OR2L13: variants seen among roughly 807,000 people sequenced by gnomAD.
OR2L13 encodes the protein olfactory receptor 2L13.
Under a neutral mutation model 15.3 loss-of-function variants are expected in OR2L13, and 14 were observed. The observed-to-expected ratio is 0.91, with a 90% confidence interval of 0.60 to 1.43. The LOEUF (loss-of-function observed/expected upper bound fraction) is 1.43. Ranked by LOEUF, OR2L13 falls within the 40% of genes most tolerant of loss-of-function variation. OR2L13 has a pLI of 0.00. For missense variants in OR2L13, 367 were observed against 387.9 expected (o/e 0.95, Z 0.45); for synonymous variants, 152 against 142.9 (o/e 1.06, Z -0.45).
the OR2L13 span, among the ~76,000 whole-genome samples, chr1:247,967,077 C>G: frequency 2.8e-5 from 2 of 71,960 alleles, no homozygotes; most frequent in East Asian, 6.6e-4. Flanking sequence ...GAGGTGCACA[C>G]CCGGGGCCAC....
chr1:248,057,829 T>C, the OR2L13 span, among the ~76,000 whole-genome samples: 2 of 152,224 alleles, frequency 1.3e-5, no homozygotes, highest in Admixed American at 6.5e-5. Context: ...CAGATTCTGG[T>C]TGTTGATGTT....
At chr1:247,937,430 T>C in the OR2L13 span, 1 of 158,044 alleles carries the variant, frequency 6.3e-6, no homozygotes, top group South Asian at 1.6e-4. Flanking sequence ...TACCGCAGTC[T>C]CCCTTCTTGC....
chr1:248,080,632 C>T, the OR2L13 span, among the ~76,000 whole-genome samples: 1 of 152,104 alleles, frequency 6.6e-6, no homozygotes, highest in Non-Finnish European at 1.5e-5. Context: ...GCTGTATAGT[C>T]TTTGTGGTGT....
At chr1:248,030,570 C>T in the OR2L13 span, among the ~76,000 whole-genome samples, 1 of 152,132 alleles carries the variant, frequency 6.6e-6, no homozygotes, top group Non-Finnish European at 1.5e-5. Flanking sequence ...TAAGGGGTAA[C>T]ATTTCCTTGT....
the OR2L13 span, chr1:248,022,946 A>C: frequency 2.1e-6 from 3 of 1,455,640 alleles, no homozygotes; most frequent in Non-Finnish European, 2.8e-6. Flanking sequence ...AGTGTACAGC[A>C]GTGAAGAAAA....
the OR2L13 span, among the ~76,000 whole-genome samples, chr1:248,037,215 G>A: frequency 3.3e-5 from 5 of 152,092 alleles, no homozygotes; most frequent in African/African-American, 7.2e-5. Flanking sequence ...AAATAATGAT[G>A]TCTAACTTAG....
At chr1:248,054,223 C>T in the OR2L13 span, among the ~76,000 whole-genome samples, 183 of 152,142 alleles carry the variant, frequency 1.2e-3, no homozygotes, top group African/African-American at 3.9e-3. Flanking sequence ...GAATCTTTTC[C>T]CCGTTGCTTG....
At chr1:247,980,405 ATAAAC>A in the OR2L13 span, among the ~76,000 whole-genome samples, 1 of 152,194 alleles carries the variant, frequency 6.6e-6, no homozygotes, top group Non-Finnish European at 1.5e-5. Context: ...TACTGCCAGT[ATAAAC>A]TAAATTGGGA....
chr1:248,048,180 A>C, the OR2L13 span, among the ~76,000 whole-genome samples: 2 of 152,162 alleles, frequency 1.3e-5, no homozygotes, highest in Non-Finnish European at 1.5e-5. Flanking sequence ...GAGCTGATGC[A>C]CCATCGTGGA....
At chr1:247,959,420 C>G in the OR2L13 span, among the ~76,000 whole-genome samples, 3,012 of 152,162 alleles carry the variant, frequency 0.02, 89 homozygotes, top group African/African-American at 0.068. Flanking sequence ...ATTTGCTTTT[C>G]TTGGAGTTGC....
chr1:248,069,174 AGATTC>A, the OR2L13 span, among the ~76,000 whole-genome samples: 1 of 152,238 alleles, frequency 6.6e-6, no homozygotes, highest in African/African-American at 2.4e-5. Flanking sequence ...CATAATTGTC[AGATTC>A]ACTAAAGTTG....
chr1:247,952,938 A>G, the OR2L13 span, among the ~76,000 whole-genome samples: 7 of 152,130 alleles, frequency 4.6e-5, no homozygotes, highest in African/African-American at 1.7e-4. Context: ...GGCATCACTG[A>G]CATTTACTGC....
At chr1:247,989,018 G>A in the OR2L13 span, among the ~76,000 whole-genome samples, 56 of 152,212 alleles carry the variant, frequency 3.7e-4, no homozygotes, top group Non-Finnish European at 6.3e-4. Flanking sequence ...CTATTGGGGA[G>A]AGCGTGAACA....
At chr1:248,060,854 T>C in the OR2L13 span, 1 of 1,613,856 alleles carries the variant, frequency 6.2e-7, no homozygotes, top group African/African-American at 1.3e-5. Context: ...CACACACCCA[T>C]GTATTTCCTA....
At chr1:248,052,424 A>G in the OR2L13 span, among the ~76,000 whole-genome samples, 1 of 152,116 alleles carries the variant, frequency 6.6e-6, no homozygotes, top group Non-Finnish European at 1.5e-5. Flanking sequence ...GCTTCGAGTA[A>G]GTTTTAAAAT....
At chr1:247,992,869 TTG>T in the OR2L13 span, among the ~76,000 whole-genome samples, 26,998 of 151,176 alleles carry the variant, frequency 0.18, 3,169 homozygotes, top group East Asian at 0.33. Context: ...TAGAATGATT[TTG>T]TGTGTGTGTG....
the OR2L13 span, among the ~76,000 whole-genome samples, chr1:248,037,874 A>C: frequency 1.2e-4 from 19 of 152,294 alleles, no homozygotes; most frequent in African/African-American, 4.6e-4. Flanking sequence ...CACAGTGCCT[A>C]CCTTGTTCTC....
chr1:248,038,611 C>T, the OR2L13 span: 1 of 1,614,170 alleles, frequency 6.2e-7, no homozygotes, highest in East Asian at 2.2e-5. Context: ...CTGCTCCTGA[C>T]ATCAATGGCC....
the OR2L13 span, chr1:247,948,768 G>T: frequency 9.5e-7 from 1 of 1,048,002 alleles, no homozygotes; most frequent in African/African-American, 1.6e-5. Flanking sequence ...CACTGGGGGG[G>T]CTTGGAATGC....
Sources: allele counts gnomAD v4.1 joint callset (sites outside exome capture counted in the v4.1 genomes callset), GRCh38; gene constraint gnomAD v4.1.1; transcripts MANE v1.5; gene names NCBI Gene and HGNC (gene_info 2026-07-23, HGNC 2026-07-21).